PTPRN2: variants seen among roughly 807,000 people sequenced by gnomAD.
PTPRN2 encodes the protein protein tyrosine phosphatase receptor type N2.
Under a neutral mutation model 118.8 loss-of-function variants are expected in PTPRN2, and 74 were observed. The observed-to-expected ratio is 0.62, with a 90% CI of 0.52 to 0.76. The LOEUF is 0.76. Among genes scored for constraint, PTPRN2 ranks in the 30% least tolerant of loss-of-function variants. PTPRN2 has a pLI of 0.00. For synonymous variants in PTPRN2, 641 were observed against 608.0 expected, an observed-to-expected ratio of 1.05 and a Z score of -0.80; for missense variants, 1,481 against 1,394.4, an observed-to-expected ratio of 1.06 and a Z score of -0.99.
chr7:158,268,171 T>C (rs60951088), intron 3 of PTPRN2, among the ~76,000 whole-genome samples: 1 of 152,276 alleles, frequency 6.6e-6, no homozygotes, highest in African/African-American at 2.4e-5. Context: ...AGTGAATCAG[T>C]GACACAATGC....
chr7:158,406,015 T>C (rs13308434), intron 2 of PTPRN2, among the ~76,000 whole-genome samples: 2,176 of 115,208 alleles, frequency 0.019, 36 homozygotes, highest in Middle Eastern at 0.047. Context: ...GACACGTGGC[T>C]GCACACTGAG....
At position 157,622,476 on chromosome 7, in the gene PTPRN2, C is replaced by G. The variant is rs1183502711; in HGVS notation, c.2197-967G>C. Among the ~76,000 whole-genome samples, 7 of 152,170 alleles carry G rather than the reference C, an allele frequency of 4.6e-5. No individual in the cohort carries two copies. Among genetic ancestry groups the G allele is most frequent in the Non-Finnish European group, 5.9e-5 (4 of 68,040 alleles). ...TCCGAGGAGCTGGGATGGTCCCTCC[C>G]TGCCCACTGGGGCCCGTTCCAGGAG... On this transcript the variant is annotated intron_variant, in intron 14 of 22. Coordinates refer to ENST00000389418, the MANE Select transcript of PTPRN2 (RefSeq NM_002847.5). The surrounding 1 kb of genome is among the most constrained non-coding windows in gnomAD (Gnocchi z 5.3).
At chr7:157,750,759 A>T (rs1345299763) in intron 12 of PTPRN2, among the ~76,000 whole-genome samples, 1 of 152,230 alleles carries the variant, frequency 6.6e-6, no homozygotes, top group Non-Finnish European at 1.5e-5. Context: ...TCTTAAATGT[A>T]CCGCAGCGTT....
intron 12 of PTPRN2, among the ~76,000 whole-genome samples, chr7:157,894,522 G>A (rs1796994635): frequency 1.8e-5 from 1 of 55,260 alleles, no homozygotes; most frequent in Admixed American, 1.7e-4. Context: ...GTGAGTTCCT[G>A]TGGAAGCTGA....
At chr7:158,094,630 C>A (rs942394740) in intron 10 of PTPRN2, among the ~76,000 whole-genome samples, 2 of 152,216 alleles carry the variant, frequency 1.3e-5, no homozygotes, top group African/African-American at 2.4e-5. Context: ...TCTATTGCAG[C>A]TTCGCTCTCA....
At chr7:157,995,169 A>G (rs1330567472) in intron 11 of PTPRN2, among the ~76,000 whole-genome samples, 21 of 127,226 alleles carry the variant, frequency 1.7e-4, no homozygotes, top group East Asian at 5.2e-4. Flanking sequence ...AATCAACGCC[A>G]CGTCCCCAGC....
In PTPRN2 at chr7:157,585,219, C is replaced by T. The variant is rs750532093; in HGVS notation, c.2497-7079G>A. On this transcript the variant is annotated intron_variant, in intron 17 of 22. Transcript: ENST00000389418. The surrounding 1 kb of genome is among the most constrained non-coding windows in gnomAD (Gnocchi z 5.2). ...CCTGTGCTGCCTTGTAGCCCCATCC[C>T]AGGGCTGAGGAGCAGCTGCAGCAAC... 6.6e-6 allele frequency among the ~76,000 whole-genome samples: 1 copy of T among 152,202 alleles called. No homozygotes were observed. Among genetic ancestry groups the T allele is most frequent in the Non-Finnish European group, 1.5e-5 (1 of 68,034 alleles).
intron 2 of PTPRN2, among the ~76,000 whole-genome samples, chr7:158,407,172 C>CATCCTGG: frequency 2.2e-5 from 1 of 45,236 alleles, no homozygotes; most frequent in East Asian, 1.2e-3. Context: ...CTGGGTCCTG[C>CATCCTGG]GTCCTGCGTC....
intron 2 of PTPRN2, among the ~76,000 whole-genome samples, chr7:158,459,915 G>A (rs1304420335): frequency 3.1e-5 from 3 of 98,190 alleles, no homozygotes; most frequent in Middle Eastern, 5.4e-3. Context: ...CCAGCTACAG[G>A]ATGGGACTCT....
At chr7:158,559,955 C>A (rs1164482881) in intron 1 of PTPRN2, among the ~76,000 whole-genome samples, 1 of 152,204 alleles carries the variant, frequency 6.6e-6, no homozygotes, top group Non-Finnish European at 1.5e-5. Context: ...TCCAACAGAT[C>A]CCCAGAATTT....
At position 158,098,856 on chromosome 7, in the gene PTPRN2, G is replaced by A. The variant is rs528600888; in HGVS notation, c.1643+11973C>T. Among the ~76,000 whole-genome samples, 5 of 152,126 alleles carry A rather than the reference G, an allele frequency of 3.3e-5. No homozygotes were observed. In the South Asian group the frequency reaches 1.0e-3, roughly 32 times the overall value. On this transcript the variant is annotated intron_variant, in intron 10 of 22. Coordinates refer to ENST00000389418, the MANE Select transcript of PTPRN2 (RefSeq NM_002847.5). Reference sequence around the variant, plus strand: ...GTGGGGGACGGGGAACGGGGCCGCGGGGAGGGCCGGAGAAGATGGTAGAAG... The same window carrying A: ...GTGGGGGACGGGGAACGGGGCCGCGAGGAGGGCCGGAGAAGATGGTAGAAG...
chr7:157,545,314 G>A (rs1295300986), intron 22 of PTPRN2, among the ~76,000 whole-genome samples: 9 of 151,416 alleles, frequency 5.9e-5, no homozygotes, highest in Non-Finnish European at 8.8e-5. Flanking sequence ...TACCACATGC[G>A]TGGGTGTGTA....
chr7:158,175,829 C>T (rs947035145), intron 5 of PTPRN2, among the ~76,000 whole-genome samples: 4 of 152,158 alleles, frequency 2.6e-5, no homozygotes, highest in African/African-American at 9.7e-5. Context: ...CCAATGTGAA[C>T]TCCTGGATAT....
At chr7:158,189,672 C>T (rs1263731531) in intron 5 of PTPRN2, among the ~76,000 whole-genome samples, 3 of 152,228 alleles carry the variant, frequency 2.0e-5, no homozygotes, top group Non-Finnish European at 4.4e-5. Context: ...CCCCTTCCCT[C>T]GTATGTTACT....
intron 21 of PTPRN2, among the ~76,000 whole-genome samples, chr7:157,562,503 A>G (rs1160421025): frequency 1.3e-5 from 2 of 152,170 alleles, no homozygotes; most frequent in African/African-American, 2.4e-5. Flanking sequence ...AACTTTATCC[A>G]ATTTTAGTGA....
intron 3 of PTPRN2, among the ~76,000 whole-genome samples, chr7:158,305,579 G>A (rs1009730242): frequency 2.0e-5 from 3 of 152,160 alleles, no homozygotes; most frequent in Non-Finnish European, 4.4e-5. Flanking sequence ...CCCAGCTAGT[G>A]ATCCCCAAGG....
At chr7:158,518,077 C>T (rs184617059) in intron 1 of PTPRN2, among the ~76,000 whole-genome samples, 8 of 152,306 alleles carry the variant, frequency 5.3e-5, no homozygotes, top group Admixed American at 5.2e-4. Flanking sequence ...GAACTTGCTC[C>T]TCCCTTAAAA....
chr7:158,169,378 G>A (rs1371677823), intron 5 of PTPRN2, among the ~76,000 whole-genome samples: 1 of 151,590 alleles, frequency 6.6e-6, no homozygotes, highest in African/African-American at 2.4e-5. Flanking sequence ...AAGTAGCTGG[G>A]ACCACAGGAA....
intron 2 of PTPRN2, among the ~76,000 whole-genome samples, chr7:158,340,131 G>C (rs71547510): frequency 0.24 from 4,707 of 19,638 alleles, 288 homozygotes; most frequent in African/African-American, 0.36. Flanking sequence ...GTGACACCTG[G>C]AGACGTCACT....
Sources: gnomAD v4.1 joint callset for allele counts (sites outside exome capture counted in the v4.1 genomes callset) on GRCh38, gnomAD v4.1.1 for gene constraint, Gnocchi (gnomAD v3.1) non-coding constraint, MANE v1.5 for transcripts, NCBI Gene and HGNC (gene_info 2026-07-23, HGNC 2026-07-21) for gene names.